JCAD: variants seen among roughly 807,000 people sequenced by gnomAD.
JCAD encodes junctional cadherin 5 associated.
JCAD carries 40 observed loss-of-function variants against 98.0 expected under a neutral mutation model. The ratio of observed to expected loss-of-function variants is 0.41; its 90% CI spans 0.32 to 0.53. JCAD has a LOEUF of 0.53. Among genes scored for constraint, JCAD ranks in the 20% least tolerant of loss-of-function variants. JCAD has a pLI of 0.31. For synonymous variants in JCAD, 691 were observed against 682.3 expected (o/e 1.01, Z -0.20); for missense variants, 1,705 against 1,738.1 (o/e 0.98, Z 0.34).
At chr10:30,074,182 C>G (rs1589706594) in intron 1 of JCAD, among the ~76,000 whole-genome samples, 1 of 152,228 alleles carries the variant, frequency 6.6e-6, no homozygotes, top group East Asian at 1.9e-4. Context: ...ACATTTACAT[C>G]TCCTCCATTG....
At chr10:30,030,917 A>G (rs550981204) in intron 2 of JCAD, among the ~76,000 whole-genome samples, 9 of 150,294 alleles carry the variant, frequency 6.0e-5, no homozygotes, top group Middle Eastern at 3.4e-3. Flanking sequence ...GGGCGAGGCA[A>G]TCAGGCATCC....
intron 2 of JCAD, among the ~76,000 whole-genome samples, chr10:30,039,629 C>T (rs1346720923): frequency 6.6e-6 from 1 of 152,214 alleles, no homozygotes; most frequent in African/African-American, 2.4e-5. Context: ...CTGCAGTTGA[C>T]ACCCAAAGAC....
chr10:30,024,688 ATTTTTTTTTTT>A (rs35394945), intron 3 of JCAD, among the ~76,000 whole-genome samples: 2 of 100,664 alleles, frequency 2.0e-5, no homozygotes, highest in Admixed American at 1.1e-4. Flanking sequence ...GCCCATGTAC[ATTTTTTTTTTT>A]TTTTTTTTTT....
At chr10:30,039,018 A>C (rs1341970789) in intron 2 of JCAD, among the ~76,000 whole-genome samples, 1 of 152,232 alleles carries the variant, frequency 6.6e-6, no homozygotes, top group African/African-American at 2.4e-5. Flanking sequence ...CCCCCGACTC[A>C]CGCCAGCTAT....
At chr10:30,046,239 G>T (rs2132641880) in intron 2 of JCAD, among the ~76,000 whole-genome samples, 1 of 152,212 alleles carries the variant, frequency 6.6e-6, no homozygotes, top group Non-Finnish European at 1.5e-5. Flanking sequence ...GTTTCCTCCA[G>T]GTGGAAACCG....
Position 30,014,064 on chromosome 10 carries a change from T to C in JCAD, c.*3819A>G. 6.6e-6 allele frequency: 1 copy of C among 152,156 alleles called. No homozygotes were observed. Among genetic ancestry groups the C allele is most frequent in the Non-Finnish European group, 1.5e-5 (1 of 68,012 alleles). The allele number at this position is 152,156 out of a possible 1,614,324, so 9.4% of individuals were successfully genotyped here. ...CTTCCTTTAATGTTATTTTATCATCTCCCCCTTCTTAGTGTGGTGGGTCCC... is the reference window on the plus strand; with the variant it reads ...CTTCCTTTAATGTTATTTTATCATCCCCCCCTTCTTAGTGTGGTGGGTCCC... On this transcript the variant is annotated 3_prime_UTR_variant, in exon 4 of 4. Coordinates refer to ENST00000375377, the MANE Select transcript of JCAD (RefSeq NM_020848.4).
At position 30,047,873 on chromosome 10, in the gene JCAD, T is replaced by A. The variant is rs1175120306; in HGVS notation, c.-59-2A>T. Reference sequence around the variant, plus strand: ...CCATGGTGGTGGCAGGACCCAGCACTGCAGGACAACAGAGAGCTCTATTTG... The same window carrying A: ...CCATGGTGGTGGCAGGACCCAGCACAGCAGGACAACAGAGAGCTCTATTTG... On this transcript the variant is annotated splice_acceptor_variant, in intron 1 of 3. Transcript: ENST00000375377. LOFTEE classifies it low-confidence loss of function (5UTR_SPLICE). 5.2e-6 allele frequency: 8 copies of A among 1,525,484 alleles called. No homozygotes were observed. The highest frequency in any genetic ancestry group is 6.2e-6 in the Non-Finnish European group (7 of 1,129,234). The allele number at this position is 1,525,484 out of a possible 1,614,324, so 94.5% of individuals were successfully genotyped here. A position where few individuals can be genotyped will look rare whatever the true frequency, so the allele number is the denominator to read the frequency against.
chr10:30,079,240 G>C (rs1006797601), intron 1 of JCAD, among the ~76,000 whole-genome samples: 6 of 151,876 alleles, frequency 4.0e-5, no homozygotes, highest in African/African-American at 1.5e-4. Context: ...CCAGCTACTC[G>C]GGAGGCTGAG....
At position 30,017,890 on chromosome 10, in the gene JCAD, C is replaced by T. The variant is rs1836569644; in HGVS notation, c.4073G>A (p.Arg1358Lys). The change falls in exon 4 of 4, where the codon AGG becomes AAG. Residue 1358 changes from arginine (R) to lysine (K), a missense_variant. Coordinates refer to ENST00000375377, the MANE Select transcript of JCAD (RefSeq NM_020848.4). ...AGCTCCACCGGCATTTCATCACACC[C>T]TCTCCACTCTGCTAGGGTCATAGGA... ...PDSYDPSRVERV is the reference protein window; with the variant it reads ...PDSYDPSRVEKV 1 of 1,612,994 alleles carries T rather than the reference C, an allele frequency of 6.2e-7. No individual in the cohort carries two copies. Among genetic ancestry groups the T allele is most frequent in the Non-Finnish European group, 8.5e-7 (1 of 1,179,100 alleles).
At chr10:30,032,301 T>C (rs1837019561) in intron 2 of JCAD, among the ~76,000 whole-genome samples, 1 of 152,188 alleles carries the variant, frequency 6.6e-6, no homozygotes, top group East Asian at 1.9e-4. Flanking sequence ...TATTTGGATT[T>C]AATTGGTCTA....
At chr10:30,094,651 G>C (rs1280672386) in intron 1 of JCAD, among the ~76,000 whole-genome samples, 1 of 152,154 alleles carries the variant, frequency 6.6e-6, no homozygotes, top group Non-Finnish European at 1.5e-5. Context: ...GTCTGGAGGA[G>C]ACTGCATGGC....
Position 30,031,088 on chromosome 10 carries a change from A to AT in JCAD, c.282-1223_282-1222insA, listed in dbSNP as rs1296213931. ...CTCCCACTGAAAGTTCAGACTTGGT[A>AT]GGTCTGGGTTAGGGCCCAGGCATTT... On this transcript the variant is annotated intron_variant, in intron 2 of 3. Coordinates refer to ENST00000375377, the MANE Select transcript of JCAD (RefSeq NM_020848.4). 2.6e-5 allele frequency among the ~76,000 whole-genome samples: 4 copies of AT among 151,474 alleles called. No homozygotes were observed. The South Asian group carries it at 8.3e-4, about 31-fold the overall frequency.
chr10:30,064,642 C>T (rs1434225050), intron 2 of JCAD, among the ~76,000 whole-genome samples: 1 of 151,688 alleles, frequency 6.6e-6, no homozygotes, highest in African/African-American at 2.4e-5. Context: ...AAACTTTGTA[C>T]CCATTGACCA....
upstream of JCAD, among the ~76,000 whole-genome samples, chr10:30,061,894 C>T (rs1254410645): frequency 2.6e-5 from 4 of 152,170 alleles, no homozygotes; most frequent in Non-Finnish European, 5.9e-5. Context: ...GGTGGAGCAC[C>T]TCTATGTGCC....
At chr10:30,092,019 C>A in intron 1 of JCAD, among the ~76,000 whole-genome samples, 1 of 97,026 alleles carries the variant, frequency 1.0e-5, no homozygotes, top group Non-Finnish European at 1.9e-5. Context: ...CAGAGCGAGA[C>A]TCCATCCCCC....
In JCAD at chr10:30,029,814, C is replaced by T. The variant is rs118037636; in HGVS notation, c.334G>A (p.Asp112Asn). The T allele has an allele frequency of 6.7e-4, 1,087 of 1,614,114 alleles. 18 individuals are homozygous for T. In the East Asian group the frequency reaches 0.019, roughly 29 times the overall value. ...AWSSHPPTGN[D>N]QAYRRRGRQE... The stretch of plus-strand genomic sequence containing the variant: ...CGTCCTCTTCTCCGGTAGGCTTGGT[C>T]GTTACCAGTCGGGGGATGAGAGGAC... The change falls in exon 3 of 4, where the codon GAC (aspartate) becomes AAC (asparagine). Residue 112 changes from aspartate (D) to asparagine (N), a missense_variant. Transcript: ENST00000375377.
intron 1 of JCAD, among the ~76,000 whole-genome samples, chr10:30,105,562 G>A (rs1031190607): frequency 6.6e-6 from 1 of 152,044 alleles, no homozygotes; most frequent in African/African-American, 2.4e-5. Context: ...GACCTCAGAT[G>A]ATTCATCTGC....
intron 1 of JCAD, among the ~76,000 whole-genome samples, chr10:30,100,666 G>A (rs1226016724): frequency 1.3e-5 from 2 of 152,182 alleles, no homozygotes; most frequent in Non-Finnish European, 2.9e-5. Context: ...TTACAGGTGT[G>A]AGCCACCCGA....
chr10:30,061,544 GAA>G (rs1193710843), upstream of JCAD, among the ~76,000 whole-genome samples: 2 of 116,254 alleles, frequency 1.7e-5, no homozygotes, highest in Non-Finnish European at 1.9e-5. Flanking sequence ...TCTGTCTCAA[GAA>G]AAAAAAAAAA....
Sources: allele counts gnomAD v4.1 joint callset (sites outside exome capture counted in the v4.1 genomes callset), GRCh38; gene constraint gnomAD v4.1.1; transcripts MANE v1.5; gene names NCBI Gene and HGNC (gene_info 2026-07-23, HGNC 2026-07-21).